THRB: variants seen among roughly 807,000 people sequenced by gnomAD.
THRB encodes the protein nuclear receptor subfamily 1 group A member 2.
Under a neutral mutation model 47.8 loss-of-function variants are expected in THRB, and 12 were observed. The ratio of observed to expected loss-of-function variants is 0.25; its 90% CI spans 0.16 to 0.41. The LOEUF (loss-of-function observed/expected upper bound fraction) is 0.41. Among genes scored for constraint, THRB ranks in the 10% least tolerant of loss-of-function variants. THRB has a pLI of 1.00. For synonymous variants in THRB, 218 were observed against 212.2 expected (o/e 1.03, Z -0.24); for missense variants, 348 against 589.2 (o/e 0.59, Z 4.24).
intron 3 of THRB, among the ~76,000 whole-genome samples, chr3:24,265,565 T>TA (rs1279603156): frequency 1.3e-5 from 2 of 152,240 alleles, no homozygotes; most frequent in Non-Finnish European, 2.9e-5. Flanking sequence ...AATCAAGGTT[T>TA]ATAATAATGT....
intron 4 of THRB, among the ~76,000 whole-genome samples, chr3:24,212,039 G>A (rs1167869850): frequency 1.3e-5 from 2 of 151,430 alleles, no homozygotes; most frequent in African/African-American, 4.8e-5. Flanking sequence ...TGAGGCAGGC[G>A]GATCACCTGA....
chr3:24,316,644 G>C (rs2058132635), intron 2 of THRB, among the ~76,000 whole-genome samples: 1 of 152,036 alleles, frequency 6.6e-6, no homozygotes, highest in Non-Finnish European at 1.5e-5. Context: ...TCCAGAGGGT[G>C]GTTTATCAAG....
At chr3:24,334,460 T>C (rs1255333391) in intron 2 of THRB, among the ~76,000 whole-genome samples, 1 of 152,206 alleles carries the variant, frequency 6.6e-6, no homozygotes, top group African/African-American at 2.4e-5. Context: ...ATGACAAAAA[T>C]GAGGTTTATA....
At position 24,215,780 on chromosome 3, in the gene THRB, T is replaced by C. The variant is rs944356037; in HGVS notation, c.22+13158A>G. On this transcript the variant is annotated intron_variant, in intron 4 of 10. Coordinates refer to ENST00000646209, the MANE Select transcript of THRB (RefSeq NM_001354712.2). ...GAATGAATGAAAGCATTGGGCACTA[T>C]TTCCAGGTCTGGCCTGTGAAACACC... 3.3e-5 allele frequency among the ~76,000 whole-genome samples: 5 copies of C among 152,242 alleles called. No homozygotes were observed. The East Asian group carries it at 9.6e-4, about 29-fold the overall frequency.
At chr3:24,232,996 G>A (rs1483968806) in intron 3 of THRB, among the ~76,000 whole-genome samples, 1 of 152,136 alleles carries the variant, frequency 6.6e-6, no homozygotes, top group Non-Finnish European at 1.5e-5. Flanking sequence ...GCCAAGGGGT[G>A]GTGCTGAGAA....
At chr3:24,183,669 G>C (rs1195211714) in intron 5 of THRB, among the ~76,000 whole-genome samples, 1 of 145,458 alleles carries the variant, frequency 6.9e-6, no homozygotes, top group East Asian at 2.0e-4. Context: ...GACGGCGCCT[G>C]GCCTTTCATC....
At chr3:24,197,383 A>G (rs1302988347) in intron 4 of THRB, among the ~76,000 whole-genome samples, 1 of 152,198 alleles carries the variant, frequency 6.6e-6, no homozygotes, top group Admixed American at 6.5e-5. Context: ...ACTCTGCCAT[A>G]TATTAGCTGT....
chr3:24,374,909 G>T (rs1024216614), intron 1 of THRB, among the ~76,000 whole-genome samples: 1 of 151,964 alleles, frequency 6.6e-6, no homozygotes, highest in Non-Finnish European at 1.5e-5. Context: ...TACTCTCAAA[G>T]CTTAAATTTC....
rs1575693645 is a variant in THRB, at chr3:24,186,845, T to C, written c.283+3229A>G. Reference sequence around the variant, plus strand: ...TTGTAATCCCAGCTACTCAGGAGGCTGAGGCAGGAGAATTGCTTGAACCTG... The same window carrying C: ...TTGTAATCCCAGCTACTCAGGAGGCCGAGGCAGGAGAATTGCTTGAACCTG... On this transcript the variant is annotated intron_variant, in intron 5 of 10. Coordinates refer to ENST00000646209, the MANE Select transcript of THRB (RefSeq NM_001354712.2). 2.0e-5 allele frequency among the ~76,000 whole-genome samples: 3 copies of C among 146,594 alleles called. No individual in the cohort carries two copies. In the Middle Eastern group the frequency reaches 0.011, roughly 520 times the overall value.
chr3:24,279,349 T>C (rs1386075757), intron 3 of THRB, among the ~76,000 whole-genome samples: 2 of 152,038 alleles, frequency 1.3e-5, no homozygotes, highest in African/African-American at 4.8e-5. Context: ...TCTGCAGTCA[T>C]TCTCGGGCAC....
chr3:24,139,858 C>T (rs987648368), intron 8 of THRB, among the ~76,000 whole-genome samples: 5 of 152,154 alleles, frequency 3.3e-5, no homozygotes, highest in African/African-American at 1.2e-4. Context: ...TATTTTTATA[C>T]TATTGTTAAC....
chr3:24,335,183 C>T (rs1034264180), intron 2 of THRB, among the ~76,000 whole-genome samples: 2 of 152,160 alleles, frequency 1.3e-5, no homozygotes, highest in African/African-American at 2.4e-5. Context: ...GAGCTACACA[C>T]TGGGAGGGCA....
intron 1 of THRB, among the ~76,000 whole-genome samples, chr3:24,462,042 C>T (rs1042771221): frequency 5.9e-5 from 9 of 152,024 alleles, no homozygotes; most frequent in Non-Finnish European, 1.0e-4. Flanking sequence ...CAGAAAACTG[C>T]CTAGAAGGAA....
chr3:24,165,327 C>T (rs760312808), intron 5 of THRB: 36 of 764,496 alleles, frequency 4.7e-5, no homozygotes, highest in Non-Finnish European at 7.9e-5. Context: ...GGGTGCACTT[C>T]ATATATTTCT....
At chr3:24,406,688 A>G (rs527427067) in intron 1 of THRB, among the ~76,000 whole-genome samples, 1 of 151,876 alleles carries the variant, frequency 6.6e-6, no homozygotes, top group Non-Finnish European at 1.5e-5. Context: ...AAGATGATAT[A>G]CTTAGGCAAA....
At chr3:24,187,701 T>A (rs2042778055) in intron 5 of THRB, among the ~76,000 whole-genome samples, 1 of 152,186 alleles carries the variant, frequency 6.6e-6, no homozygotes, top group Admixed American at 6.5e-5. Context: ...ATGCCCAACA[T>A]GGATGAACAT....
intron 6 of THRB, among the ~76,000 whole-genome samples, chr3:24,150,287 A>G (rs2036715442): frequency 6.6e-6 from 1 of 152,154 alleles, no homozygotes; most frequent in Non-Finnish European, 1.5e-5. Context: ...CGATATAGGA[A>G]ACAATTAACC....
At chr3:24,286,664 T>C (rs1028417585) in intron 3 of THRB, among the ~76,000 whole-genome samples, 1 of 152,198 alleles carries the variant, frequency 6.6e-6, no homozygotes, top group Non-Finnish European at 1.5e-5. Context: ...AGCAGCTTTG[T>C]TTATTCATGT....
intron 3 of THRB, among the ~76,000 whole-genome samples, chr3:24,273,088 CT>C (rs1438726669): frequency 6.6e-6 from 1 of 151,998 alleles, no homozygotes; most frequent in Non-Finnish European, 1.5e-5. Flanking sequence ...TGTACACGTG[CT>C]TTTTCTAATA....
Sources: allele counts gnomAD v4.1 joint callset (sites outside exome capture counted in the v4.1 genomes callset), GRCh38; gene constraint gnomAD v4.1.1; transcripts MANE v1.5; gene names NCBI Gene and HGNC (gene_info 2026-07-23, HGNC 2026-07-21).